The following IRAK2 variants were observed in gnomAD, a reference collection of about 807,000 sequenced individuals.
IRAK2 encodes interleukin 1 receptor associated kinase 2.
In IRAK2, 57 loss-of-function variants were observed where a neutral mutation model predicts 72.0. That is an observed-to-expected ratio of 0.79 (90% CI 0.64 to 0.99). The LOEUF (loss-of-function observed/expected upper bound fraction) is 0.99. Ranked by LOEUF, IRAK2 falls within the 50% of genes least tolerant of loss-of-function variation. The pLI, the probability that IRAK2 is intolerant of heterozygous loss-of-function variation, is 0.00. For synonymous variants in IRAK2, 293 were observed against 312.7 expected, an observed-to-expected ratio of 0.94 and a Z score of 0.67; for missense variants, 790 against 794.4, an observed-to-expected ratio of 0.99 and a Z score of 0.07.
chr3:10,238,637 A>G, intron 11 of IRAK2, 111 bp from the exon 12 acceptor site: 12 of 1,031,502 alleles, frequency 1.2e-5, no homozygotes, highest in Non-Finnish European at 1.7e-5. Flanking sequence ...AACAACCAGC[A>G]TTAGGTTCTT....
At chr3:10,210,275 G>T (rs916593241) in intron 4 of IRAK2, among the ~76,000 whole-genome samples, 1 of 151,842 alleles carries the variant, frequency 6.6e-6, no homozygotes, top group African/African-American at 2.4e-5. Flanking sequence ...CAGCTACTTG[G>T]GAGGCTGAGG....
At chr3:10,170,019 C>G (rs551162950) in intron 1 of IRAK2, among the ~76,000 whole-genome samples, 6 of 152,332 alleles carry the variant, frequency 3.9e-5, no homozygotes, top group African/African-American at 1.2e-4. Flanking sequence ...TCCCACAACA[C>G]TACAAAGTTG....
At chr3:10,210,081 G>A (rs57103403) in intron 4 of IRAK2, among the ~76,000 whole-genome samples, 46,381 of 151,818 alleles carry the variant, frequency 0.31, 7,677 homozygotes, top group Non-Finnish European at 0.38. Flanking sequence ...CACCATGCTC[G>A]GCTAATTTTT....
At chr3:10,224,620 C>T (rs1201755461) in intron 9 of IRAK2, among the ~76,000 whole-genome samples, 2 of 150,368 alleles carry the variant, frequency 1.3e-5, no homozygotes, top group South Asian at 4.3e-4. Flanking sequence ...TACTCTTGAC[C>T]TTCTAACTGG....
intron 7 of IRAK2, among the ~76,000 whole-genome samples, chr3:10,218,917 G>T (rs976382961): frequency 4.6e-5 from 7 of 152,182 alleles, no homozygotes; most frequent in African/African-American, 1.7e-4. Flanking sequence ...CATAGTACAG[G>T]GTCAGGCACA....
Position 10,223,298 on chromosome 3 carries a change from C to T in IRAK2, c.1209+467C>T, listed in dbSNP as rs373563655. 1.1e-4 allele frequency among the ~76,000 whole-genome samples: 16 copies of T among 152,322 alleles called. No homozygotes were observed. The South Asian group carries it at 1.4e-3, about 14-fold the overall frequency. On this transcript the variant is annotated intron_variant, in intron 9 of 12. Coordinates refer to ENST00000256458, the MANE Select transcript of IRAK2 (RefSeq NM_001570.4). ...GTCCGATCATCCATCTACCCTTTAG[C>T]TGCCCATCCATTCAGCGACCACTGA...
chr3:10,212,079 C>CA (rs34310634), intron 4 of IRAK2, among the ~76,000 whole-genome samples: 62,231 of 121,338 alleles, frequency 0.51, 14,272 homozygotes, highest in Middle Eastern at 0.62. Flanking sequence ...GACTCTGTCT[C>CA]AAAAAAAAAA....
At chr3:10,202,183 G>C (rs1392810488) in intron 3 of IRAK2, among the ~76,000 whole-genome samples, 1 of 152,222 alleles carries the variant, frequency 6.6e-6, no homozygotes, top group African/African-American at 2.4e-5. Context: ...CTTTTGATCA[G>C]CAATGAAAGA....
chr3:10,220,726 C>T (rs1480234279), intron 8 of IRAK2, among the ~76,000 whole-genome samples: 1 of 152,098 alleles, frequency 6.6e-6, no homozygotes, highest in Admixed American at 6.6e-5. Context: ...CAGGTGAGAG[C>T]CACCACCCCG....
intron 1 of IRAK2, among the ~76,000 whole-genome samples, chr3:10,167,553 T>C (rs1696715117): frequency 6.6e-6 from 1 of 152,078 alleles, no homozygotes; most frequent in South Asian, 2.1e-4. Context: ...CAGCTTGGAC[T>C]ACAGGTGCCT....
chr3:10,172,704 G>A (rs1696816610), intron 1 of IRAK2, among the ~76,000 whole-genome samples: 1 of 150,102 alleles, frequency 6.7e-6, no homozygotes, highest in African/African-American at 2.5e-5. Context: ...TGGGCATGGT[G>A]GCACATGCCT....
intron 2 of IRAK2, among the ~76,000 whole-genome samples, chr3:10,182,337 C>T (rs1489930046): frequency 2.0e-5 from 3 of 147,064 alleles, no homozygotes; most frequent in Admixed American, 6.9e-5. Flanking sequence ...GCCTGGAGTG[C>T]GGTGGCACGA....
intron 3 of IRAK2, among the ~76,000 whole-genome samples, chr3:10,205,787 T>C (rs1230961146): frequency 6.6e-6 from 1 of 152,220 alleles, no homozygotes; most frequent in Admixed American, 6.5e-5. Context: ...GGAATTAAAG[T>C]TGGTTGAAAG....
Position 10,176,783 on chromosome 3 carries a change from G to A in IRAK2, c.95-1055G>A, listed in dbSNP as rs371872881. On this transcript the variant is annotated intron_variant, in intron 1 of 12. Transcript: ENST00000256458. ...TAAGCCACTGCGCCTGGCCTACTTC[G>A]TTTATTTTTTGTAGAGACAGGGTCT... 1.6e-4 allele frequency among the ~76,000 whole-genome samples: 24 copies of A among 150,586 alleles called. 1 individual carries two copies. In the East Asian group the frequency reaches 3.3e-3, roughly 21 times the overall value.
chr3:10,238,962 G>A lies in IRAK2; in HGVS notation c.1688G>A (p.Gly563Glu). 6.2e-7 allele frequency: 1 copy of A among 1,614,118 alleles called. No homozygotes were observed. Among genetic ancestry groups the A allele is most frequent in the South Asian group, 1.1e-5 (1 of 91,088 alleles). The change falls in exon 12 of 13, where the codon GGA becomes GAA. Residue 563 changes from glycine (G) to glutamate (E), a missense_variant. Gly to Glu is a moderately conservative substitution (Grantham distance 98, BLOSUM62 -2). Coordinates refer to ENST00000256458, the MANE Select transcript of IRAK2 (RefSeq NM_001570.4). ...TPLLPTENGE[G>E]RLRVIVGREA... ...CTTCTCCCCACAGAGAATGGGGAAG[G>A]AAGGCTGCGGGTCATCGTGGGAAGG... is the stretch of plus-strand genomic sequence containing the variant.
chr3:10,222,562 C>T, intron 8 of IRAK2, 74 bp from the exon 9 acceptor site: 2 of 1,290,330 alleles, frequency 1.5e-6, no homozygotes, highest in South Asian at 2.5e-5. Context: ...TATTGTCTCC[C>T]CAAAGGGTCT....
At chr3:10,231,262 T>G (rs1697857566) in intron 10 of IRAK2, among the ~76,000 whole-genome samples, 1 of 152,088 alleles carries the variant, frequency 6.6e-6, no homozygotes, top group Non-Finnish European at 1.5e-5. Flanking sequence ...AAAGGTAAAC[T>G]TTTGTCCCCA....
At chr3:10,196,528 T>G (rs866599638) in intron 2 of IRAK2, among the ~76,000 whole-genome samples, 2 of 152,362 alleles carry the variant, frequency 1.3e-5, no homozygotes, top group African/African-American at 4.8e-5. Flanking sequence ...AACTGGCTTC[T>G]AGACTCCGAG....
At chr3:10,182,428 G>A (rs1575957718) in intron 2 of IRAK2, among the ~76,000 whole-genome samples, 1 of 151,622 alleles carries the variant, frequency 6.6e-6, no homozygotes, top group Admixed American at 6.6e-5. Flanking sequence ...GACTACAGGT[G>A]CCCGCCACCA....
Sources: gnomAD v4.1 joint callset for allele counts (sites outside exome capture counted in the v4.1 genomes callset) on GRCh38, gnomAD v4.1.1 for gene constraint, MANE v1.5 for transcripts, NCBI Gene and HGNC (gene_info 2026-07-23, HGNC 2026-07-21) for gene names.